The following NEK10 variants were observed in gnomAD, a reference collection of about 807,000 sequenced individuals.
NEK10 encodes the protein NIMA related kinase 10.
Under a neutral mutation model 159.8 loss-of-function variants are expected in NEK10, and 122 were observed. The ratio of observed to expected loss-of-function variants is 0.76; its 90% CI spans 0.66 to 0.89. The LOEUF is 0.89. Ranked by LOEUF, NEK10 falls within the 40% of genes least tolerant of loss-of-function variation. The probability of loss-of-function intolerance (pLI) is 0.00; values close to 1 mark genes in which losing one functional copy is unlikely to be tolerated. For missense variants in NEK10, 1,342 were observed against 1,323.1 expected, an observed-to-expected ratio of 1.01 and a Z score of -0.22; for synonymous variants, 466 against 457.1, an observed-to-expected ratio of 1.02 and a Z score of -0.25.
At position 27,346,166 on chromosome 3, in the gene NEK10, C is replaced by T. The variant is rs1445437270; in HGVS notation, c.183G>A (p.Glu61=). 1.2e-6 allele frequency: 2 copies of T among 1,613,514 alleles called. No homozygotes were observed. The highest frequency in any genetic ancestry group is 1.7e-5 in the Admixed American group (1 of 59,994). ...TGTGTCCACCCGCCCTGATGGCGGG[C>T]TCAGACTTCGTCATGCTATTTTGGG... ...DSAQNSMTKS[E]PAIRAGGHRA... Residue 61 remains glutamate (E), a synonymous_variant, in exon 4 of 36, where the codon GAG becomes GAA. Transcript: ENST00000691995.
intron 25 of NEK10, among the ~76,000 whole-genome samples, chr3:27,198,485 G>A (rs186643401): frequency 3.2e-4 from 48 of 152,148 alleles, no homozygotes; most frequent in Admixed American, 6.5e-4. Flanking sequence ...GGCTGCACAC[G>A]TACAACCACC....
At chr3:27,330,417 C>G (rs192398580) in intron 5 of NEK10, among the ~76,000 whole-genome samples, 6 of 152,236 alleles carry the variant, frequency 3.9e-5, no homozygotes, top group Admixed American at 3.9e-4. Flanking sequence ...TTAAAAAGTT[C>G]TACTCTGGGT....
Position 27,284,711 on chromosome 3 carries a change from A to T in NEK10, c.1912-7T>A. The T allele has an allele frequency of 6.3e-7, 1 of 1,598,222 alleles. No individual in the cohort carries two copies. Among genetic ancestry groups the T allele is most frequent in the Non-Finnish European group, 8.6e-7 (1 of 1,165,762 alleles). ...ATCGAAGAGCTAAGCACAGCTTGAA[A>T]CAATGAATAGAAAACAAATTTTATT... On this transcript the variant is annotated splice_region_variant and splice_polypyrimidine_tract_variant and intron_variant, in intron 21 of 35. Transcript: ENST00000691995.
chr3:27,308,207 T>C (rs1232734211), intron 10 of NEK10, among the ~76,000 whole-genome samples: 2 of 152,062 alleles, frequency 1.3e-5, no homozygotes, highest in Non-Finnish European at 2.9e-5. Context: ...GAGCCCCTTA[T>C]AAAACCATCA....
chr3:27,336,456 G>A (rs1212666687), intron 5 of NEK10, among the ~76,000 whole-genome samples: 1 of 152,076 alleles, frequency 6.6e-6, no homozygotes, highest in African/African-American at 2.4e-5. Flanking sequence ...AACTATTCCA[G>A]AAAATTGAAG....
chr3:27,275,018 C>T (rs1376060994), intron 22 of NEK10, among the ~76,000 whole-genome samples: 3 of 152,122 alleles, frequency 2.0e-5, no homozygotes, highest in African/African-American at 7.2e-5. Context: ...CTGTATTAAC[C>T]TTAGTCTTCG....
At chr3:27,268,665 C>G (rs1378897748) in intron 22 of NEK10, among the ~76,000 whole-genome samples, 1 of 152,144 alleles carries the variant, frequency 6.6e-6, no homozygotes, top group African/African-American at 2.4e-5. Flanking sequence ...GACAATACAC[C>G]TCATCACTCA....
rs77336203 is a variant in NEK10 at position 27,253,419 on chromosome 3, G to T, written c.2090+2877C>A. 3.7e-3 allele frequency among the ~76,000 whole-genome samples: 564 copies of T among 152,236 alleles called. 2 individuals are homozygous for T. Among genetic ancestry groups the T allele is most frequent in the Middle Eastern group, 0.014 (4 of 294 alleles). On this transcript the variant is annotated intron_variant, in intron 23 of 35. Coordinates refer to ENST00000691995, the MANE Select transcript of NEK10 (RefSeq NM_001394966.1). The stretch of plus-strand genomic sequence containing the variant: ...ACATAGAGATAAAAAATGGAAACAA[G>T]TACCATATTTGGATATTTTTTTCCC...
At chr3:27,128,162 T>C (rs1182414029) in intron 32 of NEK10, among the ~76,000 whole-genome samples, 3 of 152,212 alleles carry the variant, frequency 2.0e-5, no homozygotes, top group Non-Finnish European at 4.4e-5. Flanking sequence ...AAAGCAGCCA[T>C]AGACAGTATT....
At position 27,153,177 on chromosome 3, in the gene NEK10, G is replaced by A. The variant is rs372169352; in HGVS notation, c.2869+9524C>T. Among the ~76,000 whole-genome samples, 24 of 152,052 alleles carry A rather than the reference G, an allele frequency of 1.6e-4. No individual in the cohort carries two copies. The East Asian group carries it at 2.3e-3, about 15-fold the overall frequency. On this transcript the variant is annotated intron_variant, in intron 30 of 35. Coordinates refer to ENST00000691995, the MANE Select transcript of NEK10 (RefSeq NM_001394966.1). ...CTACTAAAAATACAAAAAATTAGCC[G>A]GGCATGGTAGCGGGCGCCTATAGTC...
intron 23 of NEK10, among the ~76,000 whole-genome samples, chr3:27,249,353 C>A (rs1955424088): frequency 6.6e-6 from 1 of 151,892 alleles, no homozygotes; most frequent in Admixed American, 6.5e-5. Context: ...TTTTGTCCAT[C>A]TCTCTTTCTT....
chr3:27,191,069 C>G (rs1949069481), intron 26 of NEK10, among the ~76,000 whole-genome samples: 2 of 152,140 alleles, frequency 1.3e-5, no homozygotes, highest in African/African-American at 4.8e-5. Flanking sequence ...TTCCAAATAC[C>G]TTAAGACAAA....
intron 26 of NEK10, among the ~76,000 whole-genome samples, chr3:27,179,940 A>G (rs11718403): frequency 0.43 from 65,230 of 151,760 alleles, 15,325 homozygotes; most frequent in African/African-American, 0.63. Context: ...AATTAGCCAG[A>G]CATGGTGGCA....
At chr3:27,176,063 A>C (rs1199896173) in intron 26 of NEK10, among the ~76,000 whole-genome samples, 1 of 152,222 alleles carries the variant, frequency 6.6e-6, no homozygotes, top group African/African-American at 2.4e-5. Flanking sequence ...AAAACCTAAG[A>C]TCTTAGGGAT....
chr3:27,132,876 T>C (rs756468158), intron 31 of NEK10, among the ~76,000 whole-genome samples: 5 of 151,902 alleles, frequency 3.3e-5, no homozygotes, highest in African/African-American at 4.8e-5. Flanking sequence ...GAAAGGAAAA[T>C]GTGATAGTAA....
At chr3:27,277,663 C>T (rs2149426040) in intron 22 of NEK10, among the ~76,000 whole-genome samples, 1 of 152,298 alleles carries the variant, frequency 6.6e-6, no homozygotes, top group South Asian at 2.1e-4. Context: ...CTTAACTCTG[C>T]ACCAAAAGAT....
chr3:27,174,558 T>C (rs748237912), intron 27 of NEK10, 33 bp from the exon 28 acceptor site: 1 of 1,601,936 alleles, frequency 6.2e-7, no homozygotes, highest in South Asian at 1.1e-5. Context: ...AAAAAGCAAA[T>C]GAGTCTTGAA....
At chr3:27,269,422 C>A (rs955801391) in intron 22 of NEK10, among the ~76,000 whole-genome samples, 1 of 152,210 alleles carries the variant, frequency 6.6e-6, no homozygotes, top group African/African-American at 2.4e-5. Flanking sequence ...CAAACTTGAG[C>A]AACCACCACC....
intron 22 of NEK10, among the ~76,000 whole-genome samples, chr3:27,276,914 CT>C (rs1288213018): frequency 9.9e-5 from 15 of 152,160 alleles, no homozygotes; most frequent in African/African-American, 3.6e-4. Context: ...CTCTCCCTTT[CT>C]CATCTCCAAC....
Sources: gnomAD v4.1 joint callset for allele counts (sites outside exome capture counted in the v4.1 genomes callset) on GRCh38, gnomAD v4.1.1 for gene constraint, MANE v1.5 for transcripts, NCBI Gene and HGNC (gene_info 2026-07-23, HGNC 2026-07-21) for gene names.